NOL4: variants seen among roughly 807,000 people sequenced by gnomAD.
NOL4 encodes the protein cancer/testis antigen 125.
Under a neutral mutation model 75.9 loss-of-function variants are expected in NOL4, and 17 were observed. The ratio of observed to expected loss-of-function variants is 0.22; its 90% confidence interval spans 0.15 to 0.34. NOL4 has a LOEUF of 0.34. NOL4 is among the 10% of genes least tolerant of loss of function. The probability of loss-of-function intolerance (pLI) is 1.00; values close to 1 mark genes in which losing one functional copy is unlikely to be tolerated. For missense variants in NOL4, 614 were observed against 793.5 expected, an observed-to-expected ratio of 0.77 and a Z score of 2.72; for synonymous variants, 292 against 289.9, an observed-to-expected ratio of 1.01 and a Z score of -0.07.
At chr18:34,058,938 A>C (rs1163687860) in intron 5 of NOL4, among the ~76,000 whole-genome samples, 1 of 151,676 alleles carries the variant, frequency 6.6e-6, no homozygotes, top group African/African-American at 2.4e-5. Flanking sequence ...CATCAAATTG[A>C]TTATTCTTTC....
At chr18:33,941,173 G>A (rs1482617458) in intron 9 of NOL4, among the ~76,000 whole-genome samples, 1 of 151,976 alleles carries the variant, frequency 6.6e-6, no homozygotes, top group Non-Finnish European at 1.5e-5. Context: ...ACAGCTCTAT[G>A]AATCTGATAT....
chr18:34,213,723 G>C (rs1056932359), intron 1 of NOL4, among the ~76,000 whole-genome samples: 1 of 152,148 alleles, frequency 6.6e-6, no homozygotes, highest in Non-Finnish European at 1.5e-5. Flanking sequence ...CAGCAAGAAG[G>C]CTTCTTGGAC....
chr18:34,111,884 G>C (rs912733033), intron 2 of NOL4, among the ~76,000 whole-genome samples: 3 of 152,144 alleles, frequency 2.0e-5, no homozygotes, highest in African/African-American at 2.4e-5. Context: ...TACACTACTG[G>C]TGAAAATGTA....
chr18:34,114,680 C>G (rs2079764599), intron 2 of NOL4, among the ~76,000 whole-genome samples: 1 of 152,066 alleles, frequency 6.6e-6, no homozygotes, highest in Non-Finnish European at 1.5e-5. Context: ...TTTCCAGTAA[C>G]TTTTTGATAA....
intron 6 of NOL4, among the ~76,000 whole-genome samples, chr18:33,969,140 G>A (rs914872886): frequency 3.9e-5 from 6 of 152,078 alleles, no homozygotes; most frequent in African/African-American, 1.2e-4. Flanking sequence ...CATTAAAGCA[G>A]CGTTTATGAG....
rs571306286 is a variant in NOL4 at position 34,006,982 on chromosome 18, G to A, written c.1056+12336C>T. On this transcript the variant is annotated intron_variant, in intron 6 of 10. Transcript: ENST00000261592. ...GTGGTATCACTCATTATTACCACTA[G>A]AGACAGACTAGAAAAAGTTTTGCTT... Among the ~76,000 whole-genome samples the A allele has an allele frequency of 2.0e-5, 3 of 152,144 alleles. No individual in the cohort carries two copies. The South Asian group carries it at 6.2e-4, about 32-fold the overall frequency.
chr18:33,890,876 G>A (rs558171164), intron 9 of NOL4, among the ~76,000 whole-genome samples: 2 of 151,886 alleles, frequency 1.3e-5, no homozygotes, highest in African/African-American at 4.8e-5. Context: ...AGAAATATAG[G>A]TATCATTAGG....
chr18:34,057,590 A>T (rs2145073231), intron 5 of NOL4, among the ~76,000 whole-genome samples: 1 of 152,290 alleles, frequency 6.6e-6, no homozygotes, highest in African/African-American at 2.4e-5. Flanking sequence ...TTTATTAATA[A>T]TAATAGTAAT....
At chr18:33,856,285 CTAGT>C (rs1201607386) in intron 10 of NOL4, among the ~76,000 whole-genome samples, 3 of 151,926 alleles carry the variant, frequency 2.0e-5, no homozygotes, top group African/African-American at 7.2e-5. Flanking sequence ...TAAAACAAAA[CTAGT>C]TAGACAAAAA....
At chr18:33,951,284 T>C (rs771301196) in intron 8 of NOL4, among the ~76,000 whole-genome samples, 8 of 152,152 alleles carry the variant, frequency 5.3e-5, no homozygotes, top group Non-Finnish European at 1.2e-4. Context: ...GAGCTGGGCA[T>C]TGATTTGTGA....
intron 9 of NOL4, among the ~76,000 whole-genome samples, chr18:33,938,261 T>C (rs2068201797): frequency 6.6e-6 from 1 of 152,202 alleles, no homozygotes; most frequent in Non-Finnish European, 1.5e-5. Context: ...TAAATGAAAC[T>C]GTATCTAGAA....
chr18:33,992,417 A>G (rs1400945536), intron 6 of NOL4, among the ~76,000 whole-genome samples: 1 of 151,988 alleles, frequency 6.6e-6, no homozygotes, highest in East Asian at 1.9e-4. Flanking sequence ...ATTGGTGAAA[A>G]TTATAAAACA....
intron 6 of NOL4, among the ~76,000 whole-genome samples, chr18:34,003,798 C>T (rs1600218734): frequency 1.3e-5 from 2 of 152,048 alleles, no homozygotes; most frequent in East Asian, 3.9e-4. Flanking sequence ...CCTCAACTAA[C>T]TAACAGATCC....
chr18:34,223,386 G>T lies in NOL4; in HGVS notation c.-133C>A, dbSNP rs1328281660. 2.3e-6 allele frequency: 3 copies of T among 1,299,194 alleles called. No homozygotes were observed. In the African/African-American group the frequency reaches 4.4e-5, roughly 19 times the overall value. 80.5% of individuals were successfully genotyped at this position (1,299,194 alleles called of 1,614,324 possible). On this transcript the variant is annotated 5_prime_UTR_variant, in exon 1 of 11. Coordinates refer to ENST00000261592, the MANE Select transcript of NOL4 (RefSeq NM_003787.5). ...CCGGCCGCAGCGGGAGCCTGCTTTG[G>T]GTGGGGGAAGGGATGGGAAGAGGGG...
At chr18:33,994,441 T>C (rs1006400597) in intron 6 of NOL4, among the ~76,000 whole-genome samples, 2 of 152,122 alleles carry the variant, frequency 1.3e-5, no homozygotes, top group South Asian at 2.1e-4. Context: ...TGCAAATTTA[T>C]TGAAATAGTA....
At chr18:33,958,773 T>G (rs1040878503) in intron 6 of NOL4, among the ~76,000 whole-genome samples, 4 of 152,124 alleles carry the variant, frequency 2.6e-5, no homozygotes, top group Admixed American at 2.0e-4. Context: ...AATCATTGAG[T>G]CACATATTCT....
intron 1 of NOL4, among the ~76,000 whole-genome samples, chr18:34,148,607 A>G (rs1037644225): frequency 6.6e-6 from 1 of 151,890 alleles, no homozygotes; most frequent in African/African-American, 2.4e-5. Context: ...ATTCTTTTGC[A>G]TTTGCTGATG....
At chr18:34,197,949 A>G (rs1186436545) in intron 1 of NOL4, among the ~76,000 whole-genome samples, 1 of 151,934 alleles carries the variant, frequency 6.6e-6, no homozygotes, top group African/African-American at 2.4e-5. Flanking sequence ...AGGTAGAAAA[A>G]TATTCTAAGA....
chr18:34,140,853 G>A (rs1188544821), intron 1 of NOL4, among the ~76,000 whole-genome samples: 1 of 151,880 alleles, frequency 6.6e-6, no homozygotes, highest in African/African-American at 2.4e-5. Context: ...CTTCCTTCAG[G>A]AGCTCTTGTA....
Sources: allele counts gnomAD v4.1 joint callset (sites outside exome capture counted in the v4.1 genomes callset), GRCh38; gene constraint gnomAD v4.1.1; transcripts MANE v1.5; gene names NCBI Gene and HGNC (gene_info 2026-07-23, HGNC 2026-07-21).